The following PCLO variants were observed in gnomAD, a reference collection of about 807,000 sequenced individuals.
The protein encoded by PCLO is piccolo presynaptic cytomatrix protein.
PCLO carries 82 observed loss-of-function variants against 427.5 expected under a neutral mutation model. That is an observed-to-expected ratio of 0.19 (90% CI 0.16 to 0.23). The LOEUF (loss-of-function observed/expected upper bound fraction) is 0.23. Ranked by LOEUF, PCLO falls within the 10% of genes least tolerant of loss-of-function variation. The pLI, the probability that PCLO is intolerant of heterozygous loss-of-function variation, is 1.00. For missense variants in PCLO, 6,239 were observed against 6,115.9 expected (o/e 1.02, Z -0.67); for synonymous variants, 2,357 against 2,155.4 (o/e 1.09, Z -2.59).
At chr7:82,971,558 A>C (rs1795905483) in intron 3 of PCLO, among the ~76,000 whole-genome samples, 1 of 147,478 alleles carries the variant, frequency 6.8e-6, no homozygotes, top group African/African-American at 2.5e-5. Context: ...TAATCATATA[A>C]TATATATCAT....
intron 8 of PCLO, among the ~76,000 whole-genome samples, chr7:82,906,090 C>T (rs1478973033): frequency 5.3e-5 from 8 of 151,742 alleles, no homozygotes; most frequent in Non-Finnish European, 1.0e-4. Context: ...TATAAGTATA[C>T]ACATATATTT....
At chr7:82,979,047 T>A (rs1796089814) in intron 3 of PCLO, among the ~76,000 whole-genome samples, 1 of 152,054 alleles carries the variant, frequency 6.6e-6, no homozygotes, top group Non-Finnish European at 1.5e-5. Flanking sequence ...AAAGTCCAAT[T>A]TTAAGTCAAT....
At chr7:83,057,094 A>T (rs71537598) in intron 3 of PCLO, among the ~76,000 whole-genome samples, 18,828 of 149,676 alleles carry the variant, frequency 0.13, 1,311 homozygotes, top group Admixed American at 0.16. Flanking sequence ...ATATATATAT[A>T]TTTTTTTGAG....
chr7:83,017,019 T>C (rs1489298512), intron 3 of PCLO, among the ~76,000 whole-genome samples: 1 of 152,082 alleles, frequency 6.6e-6, no homozygotes. Flanking sequence ...GAATAAATTA[T>C]GGCTCTATTC....
At chr7:82,914,599 T>A (rs1016794098) in intron 7 of PCLO, 87 bp downstream of exon 7, 1 of 1,294,464 alleles carries the variant, frequency 7.7e-7, no homozygotes, top group Non-Finnish European at 1.1e-6. Flanking sequence ...AAAAGTAGGA[T>A]ACATCTCTGG....
At chr7:83,150,182 C>A (rs1792094021) in intron 2 of PCLO, among the ~76,000 whole-genome samples, 1 of 152,176 alleles carries the variant, frequency 6.6e-6, no homozygotes, top group Non-Finnish European at 1.5e-5. Context: ...AGTGAGGCTA[C>A]ATACCAAAAG....
rs866331697 is a variant in PCLO at position 83,093,484 on chromosome 7, A to T, written c.3300+40766T>A. 4.2e-3 allele frequency among the ~76,000 whole-genome samples: 285 copies of T among 67,782 alleles called. 13 individuals carry two copies. Among genetic ancestry groups the T allele is most frequent in the African/African-American group, 0.021 (268 of 12,844 alleles). The allele number at this position is 67,782 out of a possible 152,430, so 44.5% of individuals were successfully genotyped here. On this transcript the variant is annotated intron_variant, in intron 3 of 24. Transcript: ENST00000333891. ...TATATGTGTGTGTGTATAGATATAT[A>T]TATATATATTTTTTTTTTTTTTTTT... is the stretch of plus-strand genomic sequence containing the variant.
intron 3 of PCLO, among the ~76,000 whole-genome samples, chr7:83,044,157 T>C (rs1789046061): frequency 6.6e-6 from 1 of 151,966 alleles, no homozygotes; most frequent in African/African-American, 2.4e-5. Flanking sequence ...CAAGGGAAAC[T>C]GCCACTTTTA....
Position 83,024,411 on chromosome 7 carries a change from G to A in PCLO, c.3301-57924C>T, listed in dbSNP as rs577023609. Among the ~76,000 whole-genome samples, 9 of 152,282 alleles carry A rather than the reference G, an allele frequency of 5.9e-5. No individual in the cohort carries two copies. In the South Asian group the frequency reaches 1.2e-3, roughly 21 times the overall value. On this transcript the variant is annotated intron_variant, in intron 3 of 24. Coordinates refer to ENST00000333891, the MANE Select transcript of PCLO (RefSeq NM_033026.6). Reference sequence around the variant, plus strand: ...CACTTTTCCGATGAGCTTAAAAAACGGCGCAGCACAAGATTATATCCCGCA... The same window carrying A: ...CACTTTTCCGATGAGCTTAAAAAACAGCGCAGCACAAGATTATATCCCGCA...
intron 10 of PCLO, among the ~76,000 whole-genome samples, chr7:82,859,952 C>A (rs1792910730): frequency 6.6e-6 from 1 of 151,828 alleles, no homozygotes; most frequent in Non-Finnish European, 1.5e-5. Context: ...CATCAGAGGT[C>A]TTTAATAGAA....
intron 2 of PCLO, among the ~76,000 whole-genome samples, chr7:83,137,369 T>C (rs1268925464): frequency 6.6e-6 from 1 of 152,206 alleles, no homozygotes; most frequent in African/African-American, 2.4e-5. Flanking sequence ...AAAAACTGAA[T>C]CACAAAGTAA....
chr7:82,925,001 G>T (rs551617059), intron 6 of PCLO, among the ~76,000 whole-genome samples: 1 of 152,226 alleles, frequency 6.6e-6, no homozygotes, highest in African/African-American at 2.4e-5. Flanking sequence ...AATGGAAATT[G>T]CTCTTAGGGT....
chr7:82,951,987 C>T lies in PCLO; in HGVS notation c.8966G>A (p.Gly2989Glu), dbSNP rs562609636. 3.7e-6 allele frequency: 6 copies of T among 1,613,844 alleles called. No individual in the cohort carries two copies. Among genetic ancestry groups the T allele is most frequent in the Admixed American group, 1.7e-5 (1 of 60,006 alleles). ...TGTGTCAGACATGGAAGGCTTCATT[C>T]CCCCAATCCCTCTATAACCATATGG... ...SGPYGYRGIG[G>E]MKPSMSDTNL... Residue 2989 changes from glycine (G) to glutamate (E), a missense_variant, in exon 5 of 25, where the codon GGA (glycine) becomes GAA (glutamate). Around this residue, in one of 5 missense-constraint regions of PCLO, gnomAD observed 4,677 missense variants for 4,468.4 expected, o/e 1.05. Transcript: ENST00000333891.
intron 3 of PCLO, among the ~76,000 whole-genome samples, chr7:83,058,392 A>C (rs1789455701): frequency 6.6e-6 from 1 of 152,298 alleles, no homozygotes; most frequent in East Asian, 1.9e-4. Flanking sequence ...TTTCTCAAAA[A>C]GTATTACATC....
Position 82,920,579 on chromosome 7 carries a change from C to G in PCLO, c.11113-3706G>C, listed in dbSNP as rs1392113316. ...CAAATTGCAACATCAATGAGGTAATCAAGCTAACAAACAAATAACCTTCAG... is the reference window on the plus strand; with the variant it reads ...CAAATTGCAACATCAATGAGGTAATGAAGCTAACAAACAAATAACCTTCAG... On this transcript the variant is annotated intron_variant, in intron 6 of 24. Transcript: ENST00000333891. Among the ~76,000 whole-genome samples the G allele has an allele frequency of 4.6e-5, 7 of 151,868 alleles. No individual in the cohort carries two copies. In the East Asian group the frequency reaches 1.2e-3, roughly 25 times the overall value.
In PCLO at chr7:83,011,896, CT is replaced by C. The variant is rs1351661049; in HGVS notation, c.3301-45410del. Among the ~76,000 whole-genome samples the C allele has an allele frequency of 1.3e-3, 194 of 152,244 alleles. 2 individuals carry two copies. The highest frequency in any genetic ancestry group is 9.9e-4 in the Non-Finnish European group (67 of 68,016). ...TATTCATTCAACAGACATTCAGCAT[CT>C]TCTGAATGACAGACTCTGCTAGGCA... On this transcript the variant is annotated intron_variant, in intron 3 of 24. Transcript: ENST00000333891.
At chr7:83,054,822 T>A (rs886147472) in intron 3 of PCLO, among the ~76,000 whole-genome samples, 6 of 152,082 alleles carry the variant, frequency 3.9e-5, no homozygotes, top group African/African-American at 1.4e-4. Context: ...TTTTGTTGAA[T>A]GAGTTGAGCA....
At chr7:82,924,086 A>G (rs1241910635) in intron 6 of PCLO, among the ~76,000 whole-genome samples, 4 of 152,082 alleles carry the variant, frequency 2.6e-5, no homozygotes, top group African/African-American at 7.2e-5. Flanking sequence ...GTTAATTAAT[A>G]TATTTATTGA....
chr7:82,803,735 C>G (rs1279749437), intron 21 of PCLO, among the ~76,000 whole-genome samples: 1 of 151,922 alleles, frequency 6.6e-6, no homozygotes, highest in Non-Finnish European at 1.5e-5. Flanking sequence ...TTTACTAGCC[C>G]AAGCTATAAT....
Sources: gnomAD v4.1 joint callset for allele counts (sites outside exome capture counted in the v4.1 genomes callset) on GRCh38, gnomAD v4.1.1 for gene constraint, gnomAD v4.1.1 regional missense constraint, MANE v1.5 for transcripts, NCBI Gene and HGNC (gene_info 2026-07-23, HGNC 2026-07-21) for gene names.